HPN: variants seen among roughly 807,000 people sequenced by gnomAD.
HPN encodes serine protease hepsin.
Under a neutral mutation model 55.9 loss-of-function variants are expected in HPN, and 13 were observed. That is an observed-to-expected ratio of 0.23 (90% CI 0.15 to 0.37). The LOEUF is 0.37. Among genes scored for constraint, HPN ranks in the 10% least tolerant of loss-of-function variants. HPN has a pLI of 1.00. For missense variants in HPN, 451 were observed against 575.8 expected (o/e 0.78, Z 2.22); for synonymous variants, 225 against 240.3 (o/e 0.94, Z 0.59).
intron 2 of HPN, 58 bp downstream of exon 2, chr19:35,042,580 C>T (rs1389842050): frequency 7.0e-7 from 1 of 1,434,372 alleles, no homozygotes; most frequent in East Asian, 2.4e-5. Flanking sequence ...GCCCTCTGTG[C>T]TCTTTTCTCT....
chr19:35,059,638 G>A, intron 4 of HPN, 35 bp from the exon 5 acceptor site: 1 of 1,568,510 alleles, frequency 6.4e-7, no homozygotes, highest in Non-Finnish European at 8.6e-7. Flanking sequence ...CCTGGCTGTG[G>A]GACCCAGGCG....
chr19:35,062,908 AATG>A (rs2064553038), intron 9 of HPN, among the ~76,000 whole-genome samples: 1 of 139,572 alleles, frequency 7.2e-6, no homozygotes, highest in Non-Finnish European at 1.6e-5. Flanking sequence ...TAACGGTGAT[AATG>A]ATGATCATGA....
At chr19:35,058,324 C>A (rs1403036898) in intron 4 of HPN, among the ~76,000 whole-genome samples, 1 of 149,044 alleles carries the variant, frequency 6.7e-6, no homozygotes, top group Non-Finnish European at 1.5e-5. Context: ...GGATTACAGG[C>A]ACCTGCCATC....
At position 35,046,972 on chromosome 19, in the gene HPN, G is replaced by A. The variant is rs537492068; in HGVS notation, c.17-2318G>A. 2.2e-3 allele frequency among the ~76,000 whole-genome samples: 337 copies of A among 152,282 alleles called. 2 individuals carry two copies. Among genetic ancestry groups the A allele is most frequent in the Admixed American group, 3.9e-3 (59 of 15,290 alleles). The stretch of plus-strand genomic sequence containing the variant: ...GCCTCCCGAGTAGCTGGGATTACAG[G>A]TGCCTGCCACTGCGCCCGGCTAATT... On this transcript the variant is annotated intron_variant, in intron 2 of 12. Coordinates refer to ENST00000672452, the MANE Select transcript of HPN (RefSeq NM_001384133.1).
chr19:35,055,633 C>G (rs574250025), intron 4 of HPN, among the ~76,000 whole-genome samples: 30 of 152,120 alleles, frequency 2.0e-4, no homozygotes, highest in South Asian at 1.5e-3. Flanking sequence ...CTCTTCTCCC[C>G]GTCCACTGCC....
At chr19:35,055,811 CT>C (rs1194536579) in intron 4 of HPN, among the ~76,000 whole-genome samples, 1 of 152,176 alleles carries the variant, frequency 6.6e-6, no homozygotes, top group Non-Finnish European at 1.5e-5. Context: ...CCTCAAGAGG[CT>C]TTAAAATGTT....
chr19:35,060,836 C>G lies in HPN; in HGVS notation c.811+19C>G. On this transcript the variant is annotated intron_variant, in intron 9 of 12. Coordinates refer to ENST00000672452, the MANE Select transcript of HPN (RefSeq NM_001384133.1). ...CTCACAGGTAAGTCTAAGGGCTGAG[C>G]CATGGGGCTTGAGGACCCGAGGCCA... 1 of 1,543,636 alleles carries G rather than the reference C, an allele frequency of 6.5e-7. No individual in the cohort carries two copies. Among genetic ancestry groups the G allele is most frequent in the South Asian group, 1.3e-5 (1 of 79,522 alleles).
chr19:35,060,475 G>A lies in HPN; in HGVS notation c.583G>A (p.Gly195Arg), dbSNP rs868306911. The change falls in exon 8 of 13, where the codon GGG (glycine) becomes AGG (arginine). Residue 195 changes from glycine (G) to arginine (R), a missense_variant. Physicochemically the swap from Gly to Arg is moderately radical, Grantham distance 125. Around this residue, in one of 2 missense-constraint regions of HPN, gnomAD observed 378 missense variants for 445.5 expected, o/e 0.85. Coordinates refer to ENST00000672452, the MANE Select transcript of HPN (RefSeq NM_001384133.1). ...AHLCGGSLLS[G>R]DWVLTAAHCF... ...CCTCTGTGGGGGATCCCTGCTCTCC[G>A]GGGACTGGGTGCTGACAGCCGCCCA... 16 of 1,613,102 alleles carry A rather than the reference G, an allele frequency of 9.9e-6. No individual in the cohort carries two copies. The highest frequency in any genetic ancestry group is 1.6e-4 in the Middle Eastern group (1 of 6,084).
At chr19:35,066,060 G>T in intron 12 of HPN, 28 bp downstream of exon 12, 3 of 1,609,770 alleles carry the variant, frequency 1.9e-6, no homozygotes, top group Admixed American at 3.3e-5. Flanking sequence ...ATGGGAGCCA[G>T]GGTGGGGACG....
At chr19:35,054,262 A>G (rs2064432663) in intron 4 of HPN, among the ~76,000 whole-genome samples, 1 of 152,128 alleles carries the variant, frequency 6.6e-6, no homozygotes, top group African/African-American at 2.4e-5. Flanking sequence ...TACTAAGAAC[A>G]CAAAAGTTAG....
intron 3 of HPN, 29 bp downstream of exon 3, chr19:35,049,420 C>A: frequency 6.2e-7 from 1 of 1,611,750 alleles, no homozygotes; most frequent in Non-Finnish European, 8.5e-7. Flanking sequence ...CCTCTGACCT[C>A]CCCTGGCCCC....
At chr19:35,042,565 G>T (rs371754320) in intron 2 of HPN, 43 bp downstream of exon 2, 1 of 1,543,946 alleles carries the variant, frequency 6.5e-7, no homozygotes, top group Non-Finnish European at 8.9e-7. Flanking sequence ...TCTGCCTGGC[G>T]CCCCGCCCTC....
At chr19:35,044,524 AG>A (rs946502591) in intron 2 of HPN, among the ~76,000 whole-genome samples, 1 of 152,196 alleles carries the variant, frequency 6.6e-6, no homozygotes, top group African/African-American at 2.4e-5. Flanking sequence ...TTGCAGTACC[AG>A]GTCTCTCCAC....
Position 35,066,335 on chromosome 19 carries a change from T to G in HPN, c.*48T>G. ...CCTCCAGGGCCCGAGGTGATCCCGG[T>G]GGTGGGATCCACGCTGGGCCTAGGA... On this transcript the variant is annotated 3_prime_UTR_variant, in exon 13 of 13. Transcript: ENST00000672452. 6.3e-7 allele frequency: 1 copy of G among 1,588,188 alleles called. No homozygotes were observed. Among genetic ancestry groups the G allele is most frequent in the Non-Finnish European group, 8.6e-7 (1 of 1,168,466 alleles).
At position 35,042,474 on chromosome 19, in the gene HPN, T is replaced by G. The variant is rs1600374806; in HGVS notation, c.-33T>G. On this transcript the variant is annotated 5_prime_UTR_variant, in exon 2 of 13. Coordinates refer to ENST00000672452, the MANE Select transcript of HPN (RefSeq NM_001384133.1). ...ACAGGTCCCACCCTGGCCCAGGAGGTCAGCCAGGGAATCATTAACAAGAGG... is the reference window on the plus strand; with the variant it reads ...ACAGGTCCCACCCTGGCCCAGGAGGGCAGCCAGGGAATCATTAACAAGAGG... 1 of 1,599,458 alleles carries G rather than the reference T, an allele frequency of 6.3e-7. No individual in the cohort carries two copies. The highest frequency in any genetic ancestry group is 2.3e-5 in the East Asian group (1 of 44,250).
chr19:35,041,705 AG>A, upstream of HPN: 2 of 182,766 alleles, frequency 1.1e-5, no homozygotes, highest in Non-Finnish European at 1.3e-5. Context: ...CCCCTCGCCC[AG>A]CCCCCTCCTC....
In HPN at chr19:35,059,695, T is replaced by G. The variant is rs745399250; in HGVS notation, c.183T>G (p.Ala61=). The change falls in exon 5 of 13, where the codon GCT becomes GCG. Residue 61 remains alanine (A), a synonymous_variant. Transcript: ENST00000672452. ...CAGTGCAGGTCAGCTCTGCGGACGC[T>G]CGGCTCATGGTCTTTGACAAGACGG... is the stretch of plus-strand genomic sequence containing the variant. ...LYPVQVSSAD[A]RLMVFDKTEG... 2 of 1,599,766 alleles carry G rather than the reference T, an allele frequency of 1.3e-6. No homozygotes were observed. Among genetic ancestry groups the G allele is most frequent in the African/African-American group, 2.7e-5 (2 of 74,888 alleles).
In HPN at chr19:35,052,512, G is replaced by A. The variant is rs557860722; in HGVS notation, c.160+2996G>A. 3.6e-4 allele frequency among the ~76,000 whole-genome samples: 53 copies of A among 146,302 alleles called. No homozygotes were observed. In the South Asian group the frequency reaches 0.011, roughly 29 times the overall value. ...ATCACGCCACTGCACTCCAGCCTGGGTGACAGAGCAAGAGTCTGTCTCAAA... is the reference window on the plus strand; with the variant it reads ...ATCACGCCACTGCACTCCAGCCTGGATGACAGAGCAAGAGTCTGTCTCAAA... On this transcript the variant is annotated intron_variant, in intron 4 of 12. Coordinates refer to ENST00000672452, the MANE Select transcript of HPN (RefSeq NM_001384133.1).
rs546229472 is a variant in HPN at position 35,050,723 on chromosome 19, A to G, written c.160+1207A>G. Among the ~76,000 whole-genome samples the G allele has an allele frequency of 7.0e-4, 107 of 152,212 alleles. 1 individual carries two copies. The highest frequency in any genetic ancestry group is 2.3e-3 in the African/African-American group (97 of 41,498). On this transcript the variant is annotated intron_variant, in intron 4 of 12. Coordinates refer to ENST00000672452, the MANE Select transcript of HPN (RefSeq NM_001384133.1). ...TGAGCCTCATCTAATTCCATAAAGG[A>G]TTCAGTTCACACTAAAATCAGAAAT...
Sources: gnomAD v4.1 joint callset for allele counts (sites outside exome capture counted in the v4.1 genomes callset) on GRCh38, gnomAD v4.1.1 for gene constraint, gnomAD v4.1.1 regional missense constraint, MANE v1.5 for transcripts, NCBI Gene and HGNC (gene_info 2026-07-23, HGNC 2026-07-21) for gene names.